PRKN: variants seen among roughly 807,000 people sequenced by gnomAD.
PRKN encodes parkin RBR E3 ubiquitin protein ligase.
PRKN carries 56 observed loss-of-function variants against 59.5 expected under a neutral mutation model. The ratio of observed to expected loss-of-function variants is 0.94; its 90% confidence interval spans 0.76 to 1.18. The LOEUF is 1.18. Ranked by LOEUF, PRKN falls within the 50% of genes most tolerant of loss-of-function variation. PRKN has a pLI of 0.00. For missense variants in PRKN, 657 were observed against 596.4 expected (o/e 1.10, Z -1.06); for synonymous variants, 250 against 222.1 (o/e 1.13, Z -1.12).
At chr6:161,732,175 C>T (rs1256745412) in intron 7 of PRKN, among the ~76,000 whole-genome samples, 1 of 151,976 alleles carries the variant, frequency 6.6e-6, no homozygotes, top group East Asian at 1.9e-4. Context: ...GAACCTCCGC[C>T]TCCTGGGTTC....
intron 4 of PRKN, among the ~76,000 whole-genome samples, chr6:162,123,111 G>T (rs1181299098): frequency 2.0e-5 from 3 of 152,114 alleles, no homozygotes; most frequent in African/African-American, 7.2e-5. Flanking sequence ...TGGGATGCTG[G>T]TCACAATTTC....
At chr6:162,522,914 A>T (rs540638899) in intron 1 of PRKN, among the ~76,000 whole-genome samples, 2 of 152,322 alleles carry the variant, frequency 1.3e-5, no homozygotes, top group Admixed American at 6.5e-5. Flanking sequence ...TTTACCTTCA[A>T]CCCTGACCAT....
chr6:162,361,930 T>G (rs1785160383), intron 2 of PRKN, among the ~76,000 whole-genome samples: 1 of 152,128 alleles, frequency 6.6e-6, no homozygotes, highest in African/African-American at 2.4e-5. Flanking sequence ...TAACCAAAGC[T>G]GGCAATTACA....
At chr6:162,310,616 G>A (rs1054273305) in intron 2 of PRKN, among the ~76,000 whole-genome samples, 1 of 151,770 alleles carries the variant, frequency 6.6e-6, no homozygotes, top group East Asian at 1.9e-4. Flanking sequence ...GAGCGGGGAG[G>A]GATAGCATTA....
At chr6:162,509,650 C>T (rs1379268979) in intron 1 of PRKN, among the ~76,000 whole-genome samples, 1 of 152,136 alleles carries the variant, frequency 6.6e-6, no homozygotes, top group Non-Finnish European at 1.5e-5. Context: ...AGAAAAGTTA[C>T]AGAGATAGCA....
In PRKN at chr6:162,637,545, T is replaced by C. The variant is rs574668868; in HGVS notation, c.7+90117A>G. Among the ~76,000 whole-genome samples, 4 of 152,214 alleles carry C rather than the reference T, an allele frequency of 2.6e-5. No homozygotes were observed. In the East Asian group the frequency reaches 5.8e-4, roughly 22 times the overall value. On this transcript the variant is annotated intron_variant, in intron 1 of 11. Transcript: ENST00000366898. Reference sequence around the variant, plus strand: ...ACGGAAGCAGGGCTCGACTTTGACCTTCACTTTGAGTCCCATGGACATTCC... The same window carrying C: ...ACGGAAGCAGGGCTCGACTTTGACCCTCACTTTGAGTCCCATGGACATTCC...
chr6:161,887,175 A>C (rs1795185536), intron 6 of PRKN, among the ~76,000 whole-genome samples: 1 of 152,194 alleles, frequency 6.6e-6, no homozygotes, highest in African/African-American at 2.4e-5. Context: ...AAAAACTATT[A>C]TTTGATGGTT....
chr6:162,352,103 A>G (rs1257264658), intron 2 of PRKN, among the ~76,000 whole-genome samples: 1 of 152,146 alleles, frequency 6.6e-6, no homozygotes, highest in Non-Finnish European at 1.5e-5. Context: ...TAATATTGAC[A>G]GCGGGGTTCA....
At chr6:161,598,118 C>T (rs1330158249) in intron 7 of PRKN, among the ~76,000 whole-genome samples, 2 of 152,220 alleles carry the variant, frequency 1.3e-5, no homozygotes, top group African/African-American at 4.8e-5. Flanking sequence ...CAGTGTTTGA[C>T]ATGCAGCAGA....
At chr6:161,973,651 G>C (rs1780912472) in intron 5 of PRKN, among the ~76,000 whole-genome samples, 1 of 152,154 alleles carries the variant, frequency 6.6e-6, no homozygotes, top group Non-Finnish European at 1.5e-5. Context: ...CTCTTTAAGC[G>C]AGGGAGCTGG....
chr6:161,718,370 T>C (rs1787077193), intron 7 of PRKN, among the ~76,000 whole-genome samples: 1 of 135,348 alleles, frequency 7.4e-6, no homozygotes, highest in African/African-American at 3.8e-5. Flanking sequence ...TCAGTTTCCC[T>C]ACTGAGACTG....
At chr6:161,426,222 G>A (rs967970996) in intron 9 of PRKN, among the ~76,000 whole-genome samples, 1 of 152,178 alleles carries the variant, frequency 6.6e-6, no homozygotes, top group Non-Finnish European at 1.5e-5. Context: ...GCGTGCTGAA[G>A]TACCTCAGGG....
rs561484626 is a variant in PRKN, at chr6:161,777,956, AATT to A, written c.871+7813_871+7815del. 3.2e-3 allele frequency among the ~76,000 whole-genome samples: 478 copies of A among 150,246 alleles called. 3 individuals carry two copies. The highest frequency in any genetic ancestry group is 0.021 in the Middle Eastern group (6 of 284). ...TAGTTAACAGTCCCAGGGGTTTAAA[AATT>A]ATTATTATGGTCTTATAACATCTGT... On this transcript the variant is annotated intron_variant, in intron 7 of 11. Transcript: ENST00000366898.
At chr6:161,737,700 C>A (rs4709547) in intron 7 of PRKN, among the ~76,000 whole-genome samples, 40,613 of 151,924 alleles carry the variant, frequency 0.27, 5,531 homozygotes, top group Admixed American at 0.33. Flanking sequence ...GACTGTAAAG[C>A]AAAACTGCCT....
At chr6:161,741,575 T>C (rs1788186135) in intron 7 of PRKN, among the ~76,000 whole-genome samples, 1 of 152,110 alleles carries the variant, frequency 6.6e-6, no homozygotes. Flanking sequence ...TCAGACACGA[T>C]CCCCACTGAC....
At chr6:161,951,007 A>T (rs1245499316) in intron 6 of PRKN, among the ~76,000 whole-genome samples, 1 of 97,426 alleles carries the variant, frequency 1.0e-5, no homozygotes, top group Non-Finnish European at 2.0e-5. Flanking sequence ...AATCATCAAT[A>T]AATTATAATT....
At chr6:161,995,650 GA>G (rs547611813) in intron 5 of PRKN, among the ~76,000 whole-genome samples, 80 of 151,876 alleles carry the variant, frequency 5.3e-4, no homozygotes, top group Non-Finnish European at 9.6e-4. Flanking sequence ...ACAGGTATAT[GA>G]AAAAAAATTA....
At chr6:162,679,109 T>TATTTATTTATTTATGA (rs780065550) in intron 1 of PRKN, among the ~76,000 whole-genome samples, 41 of 148,514 alleles carry the variant, frequency 2.8e-4, no homozygotes, top group African/African-American at 5.9e-4. Flanking sequence ...TTTATTTATT[T>TATTTATTTATTTATGA]ATGAATGAAT....
At chr6:161,617,695 C>T (rs916934119) in intron 7 of PRKN, among the ~76,000 whole-genome samples, 2 of 152,134 alleles carry the variant, frequency 1.3e-5, no homozygotes, top group Non-Finnish European at 2.9e-5. Flanking sequence ...AGGTGTTTCT[C>T]ATATCCAACA....
Sources: allele counts gnomAD v4.1 joint callset (sites outside exome capture counted in the v4.1 genomes callset), GRCh38; gene constraint gnomAD v4.1.1; transcripts MANE v1.5; gene names NCBI Gene and HGNC (gene_info 2026-07-23, HGNC 2026-07-21).